The following MCF2L2 variants were observed in gnomAD, a reference collection of about 807,000 sequenced individuals.
MCF2L2 encodes probable guanine nucleotide exchange factor MCF2L2.
A neutral mutation model predicts 150.2 loss-of-function variants in MCF2L2; 102 were observed. That is an observed-to-expected ratio of 0.68 (90% CI 0.58 to 0.80). The LOEUF (loss-of-function observed/expected upper bound fraction) is 0.80, where lower values mean the gene tolerates loss of function less well. Ranked by LOEUF, MCF2L2 falls within the 30% of genes least tolerant of loss-of-function variation. MCF2L2 has a pLI of 0.00. For missense variants in MCF2L2, 1,256 were observed against 1,372.8 expected, an observed-to-expected ratio of 0.91 and a Z score of 1.34; for synonymous variants, 465 against 491.3, an observed-to-expected ratio of 0.95 and a Z score of 0.71.
chr3:183,396,618 T>C (rs1236766974), intron 1 of MCF2L2, among the ~76,000 whole-genome samples: 3 of 152,180 alleles, frequency 2.0e-5, no homozygotes, highest in Non-Finnish European at 4.4e-5. Context: ...AAAATATATT[T>C]TATGGAATAA....
rs544087175 is a variant in MCF2L2, at chr3:183,219,792, C to A, written c.2370+64G>T. 3.6e-5 allele frequency: 40 copies of A among 1,103,836 alleles called. No homozygotes were observed. The East Asian group carries it at 9.5e-4, about 26-fold the overall frequency. 68.4% of individuals were successfully genotyped at this position (1,103,836 alleles called of 1,614,324 possible). ...ACCAAGTAAAATTGCTATAAATCCTCCGACCCATAGACAAACACCATTAAT... is the reference window on the plus strand; with the variant it reads ...ACCAAGTAAAATTGCTATAAATCCTACGACCCATAGACAAACACCATTAAT... On this transcript the variant is annotated intron_variant, in intron 21 of 29. Coordinates refer to ENST00000328913, the MANE Select transcript of MCF2L2 (RefSeq NM_015078.4).
chr3:183,228,026 TATAC>T (rs1723409773), intron 18 of MCF2L2: 2 of 136,860 alleles, frequency 1.5e-5, no homozygotes, highest in African/African-American at 6.6e-5. Context: ...TATATATACA[TATAC>T]ACACACACAC....
In MCF2L2 at chr3:183,428,297, C is replaced by A. The variant is rs1716278007; in HGVS notation, c.-320G>T. On this transcript the variant is annotated 5_prime_UTR_variant, in exon 1 of 30. Transcript: ENST00000328913. This position sits in a 1 kb window ranked among gnomAD's most constrained non-coding sequence, Gnocchi z 5.1. ...CCCGGCTCCTCCGGCCGGGCGAGCT[C>A]CGGGGCTTCCAGAATCGCGGTCCCG... 1 of 320,790 alleles carries A rather than the reference C, an allele frequency of 3.1e-6. No homozygotes were observed. Among genetic ancestry groups the A allele is most frequent in the Non-Finnish European group, 5.7e-6 (1 of 174,366 alleles). The allele number at this position is 320,790 out of a possible 1,614,324, so 19.9% of individuals were successfully genotyped here.
At position 183,393,709 on chromosome 3, in the gene MCF2L2, C is replaced by T. The variant is rs775421961; in HGVS notation, c.77-3930G>A. On this transcript the variant is annotated intron_variant, in intron 1 of 29. Coordinates refer to ENST00000328913, the MANE Select transcript of MCF2L2 (RefSeq NM_015078.4). ...CAAACACAACCTCCAGACTCTTACG[C>T]GATGAAATAATAGTCCAGCATGTCC... Among the ~76,000 whole-genome samples, 64 of 152,200 alleles carry T rather than the reference C, an allele frequency of 4.2e-4. 1 individual carries two copies. Among genetic ancestry groups the T allele is most frequent in the Non-Finnish European group, 8.8e-5 (6 of 68,032 alleles).
At chr3:183,383,391 C>T (rs1388493250) in intron 2 of MCF2L2, among the ~76,000 whole-genome samples, 1 of 152,196 alleles carries the variant, frequency 6.6e-6, no homozygotes, top group Non-Finnish European at 1.5e-5. Flanking sequence ...TGCACCACCA[C>T]ACCCGGCTAA....
chr3:183,410,899 A>C (rs572279858), intron 1 of MCF2L2, among the ~76,000 whole-genome samples: 1 of 152,316 alleles, frequency 6.6e-6, no homozygotes, highest in Non-Finnish European at 1.5e-5. Flanking sequence ...GTATAGACAC[A>C]GGAGGGAAGC....
chr3:183,206,077 T>C, intron 24 of MCF2L2, 45 bp downstream of exon 24: 1 of 1,581,544 alleles, frequency 6.3e-7, no homozygotes, highest in South Asian at 1.1e-5. Flanking sequence ...GGGAACACAA[T>C]AAGGAAAGAG....
Position 183,184,923 on chromosome 3 carries a change from C to CT in MCF2L2, c.3017-4765dup, listed in dbSNP as rs72262541. Among the ~76,000 whole-genome samples, 569 of 145,556 alleles carry CT rather than the reference C, an allele frequency of 3.9e-3. 3 individuals are homozygous for CT. The highest frequency in any genetic ancestry group is 0.014 in the Middle Eastern group (4 of 284). On this transcript the variant is annotated intron_variant, in intron 27 of 29. Coordinates refer to ENST00000328913, the MANE Select transcript of MCF2L2 (RefSeq NM_015078.4). ...AATGCACAACTTTTTTTTTCTTTTTCTTTTTTTTTTTTGAGACGGAGTCTC... is the reference window on the plus strand; with the variant it reads ...AATGCACAACTTTTTTTTTCTTTTTCTTTTTTTTTTTTTGAGACGGAGTCTC...
intron 9 of MCF2L2, among the ~76,000 whole-genome samples, chr3:183,310,203 T>A (rs1337469834): frequency 1.3e-5 from 2 of 150,374 alleles, no homozygotes; most frequent in African/African-American, 4.9e-5. Flanking sequence ...TCTGCAAAAA[T>A]ATTTAAAAAT....
chr3:183,288,716 G>A lies in MCF2L2; in HGVS notation c.1776+404C>T, dbSNP rs113568449. ...AGACTGGTCTCAAACTCCTGACCTC[G>A]TGATCTTCCCACCTCGGCCTCCCAA... On this transcript the variant is annotated intron_variant, in intron 14 of 29. Coordinates refer to ENST00000328913, the MANE Select transcript of MCF2L2 (RefSeq NM_015078.4). 7.2e-4 allele frequency among the ~76,000 whole-genome samples: 110 copies of A among 152,124 alleles called. 1 individual carries two copies. In the East Asian group the frequency reaches 8.9e-3, roughly 12 times the overall value.
At chr3:183,400,495 G>C (rs1714694772) in intron 1 of MCF2L2, 2 of 456,238 alleles carry the variant, frequency 4.4e-6, no homozygotes, top group South Asian at 3.1e-5. Flanking sequence ...ACCACGACTG[G>C]ATTCCAGGAA....
In MCF2L2 at chr3:183,270,045, T is replaced by C. The variant is rs781332351; in HGVS notation, c.1862+6827A>G. On this transcript the variant is annotated intron_variant, in intron 15 of 29. Coordinates refer to ENST00000328913, the MANE Select transcript of MCF2L2 (RefSeq NM_015078.4). This position sits in a 1 kb window ranked among gnomAD's most constrained non-coding sequence, Gnocchi z 4.5. Reference sequence around the variant, plus strand: ...ATACTTGATTAACCACAAGGAAAAGTGTCAAGCTCAAGACGTCCTCCTTTT... The same window carrying C: ...ATACTTGATTAACCACAAGGAAAAGCGTCAAGCTCAAGACGTCCTCCTTTT... 1 of 1,614,134 alleles carries C rather than the reference T, an allele frequency of 6.2e-7. No homozygotes were observed. The highest frequency in any genetic ancestry group is 1.1e-5 in the South Asian group (1 of 91,086).
chr3:183,306,175 G>T (rs1395525221), intron 10 of MCF2L2, among the ~76,000 whole-genome samples: 1 of 152,206 alleles, frequency 6.6e-6, no homozygotes, highest in Non-Finnish European at 1.5e-5. Context: ...CAAAGCCTGT[G>T]TTCTTGTCAC....
chr3:183,354,565 C>A (rs937762042), intron 3 of MCF2L2, among the ~76,000 whole-genome samples: 2 of 150,360 alleles, frequency 1.3e-5, no homozygotes, highest in Non-Finnish European at 3.0e-5. Context: ...CCATTTCAAC[C>A]AATTACCAAT....
chr3:183,401,475 T>C (rs1714753011), intron 1 of MCF2L2, among the ~76,000 whole-genome samples: 2 of 152,152 alleles, frequency 1.3e-5, no homozygotes, highest in African/African-American at 4.8e-5. Context: ...GATAAAAATG[T>C]ACAAATATGA....
chr3:183,311,641 C>A lies in MCF2L2; in HGVS notation c.878+7G>T. 6.2e-7 allele frequency: 1 copy of A among 1,613,732 alleles called. No individual in the cohort carries two copies. The highest frequency in any genetic ancestry group is 8.5e-7 in the Non-Finnish European group (1 of 1,179,868). ...CTGAAAAGGCTGATTCCACTTCACT[C>A]ACTCACCTTTCCATGGTAGTTACAT... On this transcript the variant is annotated splice_region_variant and intron_variant, in intron 8 of 29. Coordinates refer to ENST00000328913, the MANE Select transcript of MCF2L2 (RefSeq NM_015078.4).
rs762202095 is a variant in MCF2L2, at chr3:183,270,467, TCATCGTGGTGCCCCTCC to T, written c.1862+6388_1862+6404del. On this transcript the variant is annotated intron_variant, in intron 15 of 29. Transcript: ENST00000328913. This position sits in a 1 kb window ranked among gnomAD's most constrained non-coding sequence, Gnocchi z 4.5. Reference sequence around the variant, plus strand: ...TTCAAGACTTTTGGATTGGTCGTGTTCATCGTGGTGCCCCTCCCATTAGAGATAAAAGCAGCAAATAC... The same window carrying T: ...TTCAAGACTTTTGGATTGGTCGTGTTCATTAGAGATAAAAGCAGCAAATAC... 6.2e-7 allele frequency: 1 copy of T among 1,614,214 alleles called. No homozygotes were observed. The highest frequency in any genetic ancestry group is 8.5e-7 in the Non-Finnish European group (1 of 1,180,024).
intron 3 of MCF2L2, among the ~76,000 whole-genome samples, chr3:183,351,215 T>C: frequency 1.1e-5 from 1 of 90,428 alleles, no homozygotes; most frequent in South Asian, 3.7e-4. Flanking sequence ...TATATATATA[T>C]ATATATATAT....
chr3:183,414,935 A>G (rs745519121), intron 1 of MCF2L2, among the ~76,000 whole-genome samples: 2 of 152,210 alleles, frequency 1.3e-5, no homozygotes, highest in Non-Finnish European at 1.5e-5. Context: ...CAATCATTTT[A>G]CATTTATTGA....
Sources: allele counts gnomAD v4.1 joint callset (sites outside exome capture counted in the v4.1 genomes callset), GRCh38; gene constraint gnomAD v4.1.1; non-coding constraint Gnocchi (gnomAD v3.1); transcripts MANE v1.5; gene names NCBI Gene and HGNC (gene_info 2026-07-23, HGNC 2026-07-21).